The following SHLD2 variants were observed in gnomAD, a reference collection of about 807,000 sequenced individuals.
SHLD2 encodes the protein shieldin complex subunit 2.
In SHLD2, 30 loss-of-function variants were observed where a neutral mutation model predicts 73.2. The ratio of observed to expected loss-of-function variants is 0.41; its 90% CI spans 0.31 to 0.56. SHLD2 has a LOEUF of 0.56. Ranked by LOEUF, SHLD2 falls within the 20% of genes least tolerant of loss-of-function variation. The pLI, the probability that SHLD2 is intolerant of heterozygous loss-of-function variation, is 0.28. For synonymous variants in SHLD2, 285 were observed against 370.1 expected (o/e 0.77, Z 2.64); for missense variants, 745 against 1,055.9 (o/e 0.71, Z 4.08).
At position 87,114,193 on chromosome 10, in the gene SHLD2, TTC is replaced by T. The variant is rs1843102311; in HGVS notation, c.-6+17206_-6+17207del. The T allele has an allele frequency of 2.0e-5, 3 of 152,192 alleles. No individual in the cohort carries two copies. In the South Asian group the frequency reaches 6.2e-4, roughly 31 times the overall value. 9.4% of individuals were successfully genotyped at this position (152,192 alleles called of 1,614,324 possible). A position where few individuals can be genotyped will look rare whatever the true frequency, so the allele number is the denominator to read the frequency against. ...GAGTTGCCAGAGAACTGGAGCAACA[TTC>T]TGTTTGTGGGAAAGAGAATACTCTG... On this transcript the variant is annotated intron_variant, in intron 2 of 9. Coordinates refer to ENST00000298786, the MANE Select transcript of SHLD2 (RefSeq NM_001330112.2).
chr10:87,096,399 A>G (rs1429829594), intron 1 of SHLD2, among the ~76,000 whole-genome samples: 1 of 151,906 alleles, frequency 6.6e-6, no homozygotes, highest in Admixed American at 6.6e-5. Context: ...ATGTATTTAT[A>G]CATACTTGAT....
intron 2 of SHLD2, among the ~76,000 whole-genome samples, chr10:87,126,377 G>T (rs1292988601): frequency 6.6e-6 from 1 of 152,154 alleles, no homozygotes; most frequent in Non-Finnish European, 1.5e-5. Context: ...ACCACACCCA[G>T]TTGAGCAATA....
chr10:87,160,816 C>G (rs1846755948), intron 4 of SHLD2, among the ~76,000 whole-genome samples: 2 of 151,548 alleles, frequency 1.3e-5, no homozygotes, highest in Admixed American at 1.3e-4. Context: ...ATAGCAAAAC[C>G]CTGTCTGTAC....
At chr10:87,168,229 G>A (rs1223062168) in intron 4 of SHLD2, among the ~76,000 whole-genome samples, 6 of 151,966 alleles carry the variant, frequency 3.9e-5, no homozygotes, top group Non-Finnish European at 7.4e-5. Context: ...AATCAACCTA[G>A]GTGGCCATCA....
In SHLD2 at chr10:87,170,574, A is replaced by G; in HGVS notation, c.1730A>G (p.Gln577Arg). The change falls in exon 5 of 10, where the codon CAG becomes CGG. Residue 577 changes from glutamine to arginine, a missense_variant. Around this residue, in one of 5 missense-constraint regions of SHLD2, gnomAD observed 418 missense variants for 567.8 expected, o/e 0.74. Coordinates refer to ENST00000298786, the MANE Select transcript of SHLD2 (RefSeq NM_001330112.2). Reference sequence around the variant, plus strand: ...AGAGATCTTCCTCCGAGGCAGCCTCAGAGGGTGAACAGTATAGACTTTGTA... The same window carrying G: ...AGAGATCTTCCTCCGAGGCAGCCTCGGAGGGTGAACAGTATAGACTTTGTA... ...YLRDLPPRQPQRVNSIDFVEL... is the reference protein window; with the variant it reads ...YLRDLPPRQPRRVNSIDFVEL... 2 of 1,613,698 alleles carry G rather than the reference A, an allele frequency of 1.2e-6. No individual in the cohort carries two copies. The highest frequency in any genetic ancestry group is 1.7e-4 in the Middle Eastern group (1 of 6,052).
chr10:87,190,675 C>T lies in SHLD2; in HGVS notation c.2707C>T (p.Arg903Cys), dbSNP rs766176197. ...CATTGTAAAGCATGGAGCCAATGCC[C>T]GTCTCTGAGGCCAGAGGAAGAAATT... is the stretch of plus-strand genomic sequence containing the variant. ...PDIVKHGANA[R>C]L The change falls in exon 10 of 10, where the codon CGT becomes TGT. Residue 903 changes from arginine to cysteine, a missense_variant. Physicochemically the swap from Arg to Cys is radical, Grantham distance 180. This residue lies in a region of SHLD2 where 418 missense variants were observed against 567.8 expected (regional missense o/e 0.74). Coordinates refer to ENST00000298786, the MANE Select transcript of SHLD2 (RefSeq NM_001330112.2). The T allele has an allele frequency of 3.2e-5, 51 of 1,611,516 alleles. No homozygotes were observed. The highest frequency in any genetic ancestry group is 8.9e-5 in the East Asian group (4 of 44,888).
At chr10:87,115,498 A>T (rs1843193821) in intron 2 of SHLD2, 1 of 134,354 alleles carries the variant, frequency 7.4e-6, no homozygotes, top group Admixed American at 8.0e-5. Flanking sequence ...AATGCCCTGA[A>T]AGTTTGAATA....
chr10:87,158,208 T>C, intron 4 of SHLD2, 53 bp downstream of exon 4: 1 of 1,557,778 alleles, frequency 6.4e-7, no homozygotes, highest in Non-Finnish European at 8.7e-7. Context: ...TATAAAAACA[T>C]ACTAGGAAAG....
At chr10:87,169,376 G>T (rs1413195642) in intron 4 of SHLD2, among the ~76,000 whole-genome samples, 2 of 152,044 alleles carry the variant, frequency 1.3e-5, no homozygotes, top group African/African-American at 4.8e-5. Flanking sequence ...TTTTATGTGT[G>T]TGTGAGCATC....
intron 2 of SHLD2, among the ~76,000 whole-genome samples, chr10:87,099,740 A>G (rs1842145572): frequency 6.6e-6 from 1 of 152,210 alleles, no homozygotes; most frequent in South Asian, 2.1e-4. Flanking sequence ...CACCATTTTA[A>G]TTCTTACCAG....
intron 2 of SHLD2, among the ~76,000 whole-genome samples, chr10:87,141,613 ATAT>A (rs1845201895): frequency 6.6e-6 from 1 of 152,130 alleles, no homozygotes; most frequent in African/African-American, 2.4e-5. Flanking sequence ...TAAGAGTAAA[ATAT>A]TATTACAAAA....
chr10:87,094,856 G>A, upstream of SHLD2: 2 of 1,103,672 alleles, frequency 1.8e-6, no homozygotes, highest in Non-Finnish European at 2.6e-6. The surrounding 1 kb of genome is among the most constrained non-coding windows in gnomAD (Gnocchi z 6.6). Context: ...AGGGTCCCGC[G>A]CGGGTTGCCC....
At chr10:87,186,504 A>G (rs1278198567) in intron 8 of SHLD2, among the ~76,000 whole-genome samples, 2 of 152,184 alleles carry the variant, frequency 1.3e-5, no homozygotes, top group East Asian at 3.9e-4. Context: ...TATTATGTTC[A>G]TCCCAGCACA....
At chr10:87,120,817 G>T (rs1843566973) in intron 2 of SHLD2, among the ~76,000 whole-genome samples, 1 of 151,970 alleles carries the variant, frequency 6.6e-6, no homozygotes, top group Non-Finnish European at 1.5e-5. Flanking sequence ...ACTTTGGGAG[G>T]CCGAGGTGGG....
rs373906971 is a variant in SHLD2, at chr10:87,104,431, A to C, written c.-6+7442A>C. Reference sequence around the variant, plus strand: ...GCATAATGGCGAGTGCCTGTAATCCAAGCTACTTGGGAGGCTGAGGCAGGA... The same window carrying C: ...GCATAATGGCGAGTGCCTGTAATCCCAGCTACTTGGGAGGCTGAGGCAGGA... On this transcript the variant is annotated intron_variant, in intron 2 of 9. Transcript: ENST00000298786. 4.1e-3 allele frequency among the ~76,000 whole-genome samples: 592 copies of C among 145,734 alleles called. 3 individuals carry two copies. The highest frequency in any genetic ancestry group is 0.013 in the African/African-American group (524 of 39,432).
intron 2 of SHLD2, among the ~76,000 whole-genome samples, chr10:87,101,628 G>A (rs560346798): frequency 2.0e-5 from 3 of 152,288 alleles, no homozygotes; most frequent in African/African-American, 7.2e-5. Flanking sequence ...AATAGTTTAG[G>A]CTGGGCATGG....
chr10:87,178,707 A>C (rs1440092823), intron 7 of SHLD2, among the ~76,000 whole-genome samples: 1 of 152,108 alleles, frequency 6.6e-6, no homozygotes, highest in African/African-American at 2.4e-5. Context: ...ACAGAGTGAG[A>C]CTGTCTCAAA....
At chr10:87,153,276 C>T (rs1004172827) in intron 3 of SHLD2, among the ~76,000 whole-genome samples, 2 of 152,084 alleles carry the variant, frequency 1.3e-5, no homozygotes, top group African/African-American at 2.4e-5. Flanking sequence ...TTAAGGTTTG[C>T]GTGCCTGTAG....
intron 2 of SHLD2, among the ~76,000 whole-genome samples, chr10:87,146,240 C>A (rs1332221179): frequency 6.6e-6 from 1 of 152,110 alleles, no homozygotes; most frequent in Non-Finnish European, 1.5e-5. Context: ...TCCAGGACGG[C>A]TTTAAATGCA....
Sources: gnomAD v4.1 joint callset for allele counts (sites outside exome capture counted in the v4.1 genomes callset) on GRCh38, gnomAD v4.1.1 for gene constraint, gnomAD v4.1.1 regional missense constraint, Gnocchi (gnomAD v3.1) non-coding constraint, MANE v1.5 for transcripts, NCBI Gene and HGNC (gene_info 2026-07-23, HGNC 2026-07-21) for gene names.